Variants in VPS16 observed in about 807,000 individuals in gnomAD.
VPS16 encodes vacuolar protein sorting-associated protein 16 homolog.
In VPS16, 82 loss-of-function variants were observed where a neutral mutation model predicts 116.0. That is an observed-to-expected ratio of 0.71 (90% CI 0.59 to 0.85). The LOEUF (loss-of-function observed/expected upper bound fraction) is 0.85, where lower values mean the gene tolerates loss of function less well. Among genes scored for constraint, VPS16 ranks in the 40% least tolerant of loss-of-function variants. The pLI, the probability that VPS16 is intolerant of heterozygous loss-of-function variation, is 0.00. For missense variants in VPS16, 928 were observed against 1,090.6 expected, an observed-to-expected ratio of 0.85 and a Z score of 2.10; for synonymous variants, 406 against 420.7, an observed-to-expected ratio of 0.96 and a Z score of 0.43.
rs762193946 is a variant in VPS16, at chr20:2,863,374, C to A, written c.1452C>A (p.Ile484=). ...CTGAAGTACAGGGCGTCAGCAGGAT[C>A]CTGGCCCACTGGGCCTGCTACAAGG... The part of the protein sequence containing the change: ...RLPEVQGVSR[I]LAHWACYKVQ... The change falls in exon 15 of 24, where the codon ATC becomes ATA. Residue 484 remains isoleucine, a synonymous_variant. Coordinates refer to ENST00000380445, the MANE Select transcript of VPS16 (RefSeq NM_022575.4). The surrounding 1 kb of genome is among the most constrained non-coding windows in gnomAD (Gnocchi z 4.4). 1.9e-6 allele frequency: 3 copies of A among 1,614,096 alleles called. No homozygotes were observed. The Admixed American group carries it at 5.0e-5, about 27-fold the overall frequency.
Position 2,865,876 on chromosome 20 carries a change from G to A in VPS16, c.2272-336G>A, listed in dbSNP as rs371611477. On this transcript the variant is annotated intron_variant, in intron 22 of 23. Coordinates refer to ENST00000380445, the MANE Select transcript of VPS16 (RefSeq NM_022575.4). The surrounding 1 kb of genome is among the most constrained non-coding windows in gnomAD (Gnocchi z 5.2). ...GTGGTGGGTAGTTCAGAGGTGTATAGGGCAGGTTTGAGAATGTCAATCACA... is the reference window on the plus strand; with the variant it reads ...GTGGTGGGTAGTTCAGAGGTGTATAAGGCAGGTTTGAGAATGTCAATCACA... The A allele has an allele frequency of 3.9e-4, 183 of 467,710 alleles. 1 individual carries two copies. The South Asian group carries it at 4.1e-3, about 10-fold the overall frequency. 29.0% of individuals were successfully genotyped at this position (467,710 alleles called of 1,614,324 possible). A position where few individuals can be genotyped will look rare whatever the true frequency, so the allele number is the denominator to read the frequency against.
Position 2,840,955 on chromosome 20 carries a change from C to T in VPS16, c.53+128C>T, listed in dbSNP as rs2297047. On this transcript the variant is annotated intron_variant, in intron 1 of 23. Coordinates refer to ENST00000380445, the MANE Select transcript of VPS16 (RefSeq NM_022575.4). ...CCGCCCCGCGCCGGCTCTCCCCGAG[C>T]GTCTGCCACTTAGCGCACAGCCGCC... is the stretch of plus-strand genomic sequence containing the variant. The T allele has an allele frequency of 0.16, 142,482 of 907,542 alleles. 14,465 individuals carry two copies. Among genetic ancestry groups the T allele is most frequent in the African/African-American group, 0.45 (25,984 of 57,922 alleles). The allele number at this position is 907,542 out of a possible 1,614,324, so 56.2% of individuals were successfully genotyped here.
Position 2,864,194 on chromosome 20 carries a change from C to G in VPS16, c.1627C>G (p.Pro543Ala). The change falls in exon 17 of 24, where the codon CCA (proline) becomes GCA (alanine). Residue 543 changes from proline to alanine, a missense_variant. Transcript: ENST00000380445. This position sits in a 1 kb window ranked among gnomAD's most constrained non-coding sequence, Gnocchi z 5.2. Reference protein sequence around the residue: ...ELAIKLLEYEPRSGEQVPLLL... With the variant: ...ELAIKLLEYEARSGEQVPLLL... The stretch of plus-strand genomic sequence containing the variant: ...CACCTCACAGCTGCTGGAGTATGAG[C>G]CACGCTCAGGGGAGCAGGTACCCCT... The G allele has an allele frequency of 6.2e-7, 1 of 1,614,214 alleles. No homozygotes were observed. Among genetic ancestry groups the G allele is most frequent in the Non-Finnish European group, 8.5e-7 (1 of 1,180,026 alleles).
rs182804895 is a variant in VPS16 at position 2,859,609 on chromosome 20, C to T, written c.54-110C>T. 10 of 1,277,172 alleles carry T rather than the reference C, an allele frequency of 7.8e-6. No individual in the cohort carries two copies. In the East Asian group the frequency reaches 2.3e-4, roughly 30 times the overall value. The allele number at this position is 1,277,172 out of a possible 1,614,324, so 79.1% of individuals were successfully genotyped here. A position where few individuals can be genotyped will look rare whatever the true frequency, so the allele number is the denominator to read the frequency against. ...CTCTGGGGGTAGAGAGTGGAGACTT[C>T]CTCTACAGCCTTGTGGAAGACAAAT... On this transcript the variant is annotated intron_variant, in intron 1 of 23. Coordinates refer to ENST00000380445, the MANE Select transcript of VPS16 (RefSeq NM_022575.4).
chr20:2,840,996 G>A, intron 1 of VPS16, 169 bp downstream of exon 1: 2 of 640,696 alleles, frequency 3.1e-6, no homozygotes, highest in Non-Finnish European at 5.2e-6. Flanking sequence ...GCAGGGAGCC[G>A]GGCCTTCCCC....
intron 1 of VPS16, among the ~76,000 whole-genome samples, chr20:2,858,071 C>T (rs1009170853): frequency 8.7e-5 from 13 of 150,052 alleles, no homozygotes; most frequent in African/African-American, 2.9e-4. Flanking sequence ...GTGAGAGTCT[C>T]GTATTCATTG....
rs550624238 is a variant in VPS16 at position 2,851,782 on chromosome 20, A to G, written c.54-7937A>G. Among the ~76,000 whole-genome samples the G allele has an allele frequency of 6.4e-4, 97 of 152,296 alleles. 3 individuals are homozygous for G. The South Asian group carries it at 0.02, about 31-fold the overall frequency. On this transcript the variant is annotated intron_variant, in intron 1 of 23. Transcript: ENST00000380445. Reference sequence around the variant, plus strand: ...CAGGAGATCGAGACCATCCTGGCTAACACGGTGAAACCCCGTCTCTACTAA... The same window carrying G: ...CAGGAGATCGAGACCATCCTGGCTAGCACGGTGAAACCCCGTCTCTACTAA...
rs1458511509 is a variant in VPS16 at position 2,865,975 on chromosome 20, A to C, written c.2272-237A>C. The stretch of plus-strand genomic sequence containing the variant: ...GGGGTAATGGTGGGTGGTAGAGCAG[A>C]AGCGTGGAAATAATTGGTCTCAAGT... On this transcript the variant is annotated intron_variant, in intron 22 of 23. Coordinates refer to ENST00000380445, the MANE Select transcript of VPS16 (RefSeq NM_022575.4). This position sits in a 1 kb window ranked among gnomAD's most constrained non-coding sequence, Gnocchi z 5.2. The C allele has an allele frequency of 3.6e-6, 2 of 559,062 alleles. No individual in the cohort carries two copies. The highest frequency in any genetic ancestry group is 6.4e-6 in the Non-Finnish European group (2 of 311,384). 34.6% of individuals were successfully genotyped at this position (559,062 alleles called of 1,614,324 possible). A position where few individuals can be genotyped will look rare whatever the true frequency, so the allele number is the denominator to read the frequency against.
chr20:2,850,566 C>T (rs1272772345), intron 1 of VPS16, among the ~76,000 whole-genome samples: 1 of 151,832 alleles, frequency 6.6e-6, no homozygotes, highest in Admixed American at 6.6e-5. Context: ...GTGGAGGTTG[C>T]AGTTAGCCGA....
intron 1 of VPS16, among the ~76,000 whole-genome samples, chr20:2,857,998 A>G (rs2089191061): frequency 1.3e-5 from 2 of 152,032 alleles, no homozygotes; most frequent in Non-Finnish European, 2.9e-5. Context: ...GATTCTTGCT[A>G]TGGTATGAAA....
intron 1 of VPS16, among the ~76,000 whole-genome samples, chr20:2,849,737 C>T (rs750009680): frequency 6.6e-6 from 1 of 152,190 alleles, no homozygotes; most frequent in Non-Finnish European, 1.5e-5. Flanking sequence ...AACAATCCAT[C>T]CCATGCCACC....
At chr20:2,856,693 C>T (rs1245704650) in intron 1 of VPS16, among the ~76,000 whole-genome samples, 1 of 152,152 alleles carries the variant, frequency 6.6e-6, no homozygotes, top group African/African-American at 2.4e-5. Context: ...TATTGTGGTT[C>T]TTCCTATATG....
At position 2,864,848 on chromosome 20, in the gene VPS16, G is replaced by A; in HGVS notation, c.1927-130G>A. The A allele has an allele frequency of 7.9e-7, 1 of 1,269,518 alleles. No individual in the cohort carries two copies. The highest frequency in any genetic ancestry group is 1.1e-6 in the Non-Finnish European group (1 of 889,764). 78.6% of individuals were successfully genotyped at this position (1,269,518 alleles called of 1,614,324 possible). A position where few individuals can be genotyped will look rare whatever the true frequency, so the allele number is the denominator to read the frequency against. ...AGCCATCCCTCTAGGACATCAGAGT[G>A]GTGCACCTAGCAGGCAAGGCTGACC... On this transcript the variant is annotated intron_variant, in intron 19 of 23. Coordinates refer to ENST00000380445, the MANE Select transcript of VPS16 (RefSeq NM_022575.4). This position sits in a 1 kb window ranked among gnomAD's most constrained non-coding sequence, Gnocchi z 5.2.
intron 1 of VPS16, among the ~76,000 whole-genome samples, chr20:2,854,960 A>ATT (rs547295825): frequency 0.14 from 15,842 of 109,712 alleles, 1,832 homozygotes; most frequent in East Asian, 0.31. Flanking sequence ...ATGAGCAGTA[A>ATT]TTTTTTTTTT....
Position 2,866,430 on chromosome 20 carries a change from C to G in VPS16, c.2376C>G (p.Gly792=), listed in dbSNP as rs751246821. Residue 792 remains glycine (G), a splice_region_variant and synonymous_variant, in exon 24 of 24, where the codon GGC becomes GGG. Coordinates refer to ENST00000380445, the MANE Select transcript of VPS16 (RefSeq NM_022575.4). ...ACCTCCTCTCTTGCTCAAACCACAG[C>G]GATGTGGCTCAGGCTGCAGATGTGG... ...EQKVKALLLV[G]DVAQAADVAI... The G allele has an allele frequency of 1.9e-6, 3 of 1,614,114 alleles. No individual in the cohort carries two copies. Among genetic ancestry groups the G allele is most frequent in the Non-Finnish European group, 2.5e-6 (3 of 1,180,002 alleles).
chr20:2,855,418 T>A (rs1037413907), intron 1 of VPS16, among the ~76,000 whole-genome samples: 3 of 152,114 alleles, frequency 2.0e-5, no homozygotes, highest in African/African-American at 7.2e-5. Flanking sequence ...AGATTTAGCA[T>A]AATTCTTAAG....
Position 2,860,862 on chromosome 20 carries a change from T to C in VPS16, c.629T>C (p.Val210Ala), listed in dbSNP as rs2089220409. ...YLLDHAACSA[V>A]TPPGLAPGVS... is the part of the protein sequence containing the mutation. The stretch of plus-strand genomic sequence containing the variant: ...TTGGACCATGCAGCCTGCTCCGCAG[T>C]GGTAAGGGCCCTGAGTGGGAATGAA... Residue 210 changes from valine to alanine, a missense_variant and splice_region_variant, in exon 6 of 24, where the codon GTG (valine) becomes GCG (alanine). Physicochemically the swap from Val to Ala is moderately conservative, Grantham distance 64 (BLOSUM62 0). Transcript: ENST00000380445. This position sits in a 1 kb window ranked among gnomAD's most constrained non-coding sequence, Gnocchi z 6.1. 2 of 1,614,006 alleles carry C rather than the reference T, an allele frequency of 1.2e-6. No individual in the cohort carries two copies. The highest frequency in any genetic ancestry group is 3.3e-5 in the Admixed American group (2 of 60,026).
At position 2,861,862 on chromosome 20, in the gene VPS16, C is replaced by T. The variant is rs147213267; in HGVS notation, c.957C>T (p.Phe319=). Reference sequence around the variant, plus strand: ...CTGAGCTCGATGGGGTCCGCATCTTCTCCCGCAGCACCCACGAGTTCCTGC... The same window carrying T: ...CTGAGCTCGATGGGGTCCGCATCTTTTCCCGCAGCACCCACGAGTTCCTGC... ...LVPELDGVRI[F]SRSTHEFLHE... Residue 319 remains phenylalanine, a synonymous_variant, in exon 10 of 24, where the codon TTC becomes TTT. Transcript: ENST00000380445. 8.8e-5 allele frequency: 142 copies of T among 1,613,790 alleles called. 1 individual carries two copies. The highest frequency in any genetic ancestry group is 1.1e-4 in the Non-Finnish European group (131 of 1,179,942).
intron 11 of VPS16, 183 bp from the exon 12 acceptor site, chr20:2,862,396 G>A: frequency 7.8e-7 from 1 of 1,284,504 alleles, no homozygotes; most frequent in Non-Finnish European, 1.0e-6. Context: ...AGGCAGCTGT[G>A]GGCTGATACG....
Sources: gnomAD v4.1 joint callset for allele counts (sites outside exome capture counted in the v4.1 genomes callset) on GRCh38, gnomAD v4.1.1 for gene constraint, Gnocchi (gnomAD v3.1) non-coding constraint, MANE v1.5 for transcripts, NCBI Gene and HGNC (gene_info 2026-07-23, HGNC 2026-07-21) for gene names.